Variants in SYNE2 observed in about 807,000 individuals in gnomAD.
SYNE2 encodes the protein spectrin repeat containing nuclear envelope protein 2.
A neutral mutation model predicts 856.3 loss-of-function variants in SYNE2; 431 were observed. That is an observed-to-expected ratio of 0.50 (90% CI 0.47 to 0.55). The LOEUF is 0.55. Ranked by LOEUF, SYNE2 falls within the 20% of genes least tolerant of loss-of-function variation. The pLI is 0.00. For synonymous variants in SYNE2, 2,923 were observed against 2,872.3 expected (o/e 1.02, Z -0.56); for missense variants, 8,129 against 8,023.2 (o/e 1.01, Z -0.50).
Position 64,026,559 on chromosome 14 carries a change from A to G in SYNE2, c.6253-20A>G. 1.3e-6 allele frequency: 2 copies of G among 1,599,408 alleles called. No individual in the cohort carries two copies. The highest frequency in any genetic ancestry group is 1.7e-6 in the Non-Finnish European group (2 of 1,168,646). On this transcript the variant is annotated intron_variant, in intron 41 of 115. Coordinates refer to ENST00000555002, the MANE Select transcript of SYNE2 (RefSeq NM_182914.3). ...TAAGTAATGCAAATGACATTATAAAATCTCTTTTATTTAATTCAGGAAATC... is the reference window on the plus strand; with the variant it reads ...TAAGTAATGCAAATGACATTATAAAGTCTCTTTTATTTAATTCAGGAAATC...
At chr14:64,175,239 TCA>T in intron 95 of SYNE2, 101 bp downstream of exon 95, 1 of 1,345,870 alleles carries the variant, frequency 7.4e-7, no homozygotes. Flanking sequence ...AACTATAGTA[TCA>T]TGAGTTTCCA....
intron 1 of SYNE2, among the ~76,000 whole-genome samples, chr14:63,780,299 C>T (rs955891089): frequency 1.2e-4 from 18 of 151,980 alleles, no homozygotes; most frequent in African/African-American, 4.1e-4. Flanking sequence ...TTTGGGAGGC[C>T]GAGGCGGGCA....
chr14:63,776,260 G>A (rs1228655971), intron 1 of SYNE2, among the ~76,000 whole-genome samples: 1 of 152,140 alleles, frequency 6.6e-6, no homozygotes, highest in Non-Finnish European at 1.5e-5. Flanking sequence ...ATTCTAGAAG[G>A]TTCACACAAT....
chr14:63,881,072 A>G (rs1305742854), intron 1 of SYNE2, among the ~76,000 whole-genome samples: 1 of 151,376 alleles, frequency 6.6e-6, no homozygotes, highest in Non-Finnish European at 1.5e-5. Flanking sequence ...CTGGTCTCGA[A>G]CCCCTGACCT....
At position 64,141,501 on chromosome 14, in the gene SYNE2, A is replaced by G. The variant is rs1269688201; in HGVS notation, c.15137A>G (p.Asp5046Gly). ...ACAATGCTCATAACTCAACTTCCAG[A>G]TATTCAAGAAAAACTTCACCAGGTA... is the stretch of plus-strand genomic sequence containing the variant. ...KWTMLITQLP[D>G]IQEKLHQLQM... Residue 5046 changes from aspartate (D) to glycine (G), a missense_variant, in exon 81 of 116, where the codon GAT becomes GGT. Transcript: ENST00000555002. 6.2e-7 allele frequency: 1 copy of G among 1,614,056 alleles called. No individual in the cohort carries two copies. The highest frequency in any genetic ancestry group is 8.5e-7 in the Non-Finnish European group (1 of 1,179,960).
intron 109 of SYNE2, 76 bp from the exon 110 acceptor site, chr14:64,219,132 C>A: frequency 3.0e-6 from 3 of 1,014,408 alleles, no homozygotes; most frequent in Non-Finnish European, 2.9e-6. Flanking sequence ...TTTAACCACC[C>A]TGACCCCTAA....
chr14:64,068,861 C>CAAAAAAAAAAAAAAAA (rs10546690), intron 51 of SYNE2, among the ~76,000 whole-genome samples: 13 of 76,630 alleles, frequency 1.7e-4, no homozygotes, highest in African/African-American at 5.8e-4. Flanking sequence ...GACTCCGTCT[C>CAAAAAAAAAAAAAAAA]AAAAAAAAAA....
chr14:64,052,828 A>G lies in SYNE2; in HGVS notation c.8915A>G (p.Glu2972Gly), dbSNP rs764683101. The change falls in exon 48 of 116, where the codon GAA becomes GGA. Residue 2972 changes from glutamate to glycine, a missense_variant. Transcript: ENST00000555002. ...IQRNELLLNQEVNKGVKEEIY... is the reference protein window; with the variant it reads ...IQRNELLLNQGVNKGVKEEIY... ...CGCAATGAACTATTACTTAATCAAG[A>G]AGTAAATAAAGGTGTTAAAGAGGAG... The G allele has an allele frequency of 1.2e-6, 2 of 1,612,840 alleles. No individual in the cohort carries two copies. Among genetic ancestry groups the G allele is most frequent in the South Asian group, 2.2e-5 (2 of 90,382 alleles).
chr14:64,190,716 C>T (rs2098514229), intron 99 of SYNE2: 1 of 671,276 alleles, frequency 1.5e-6, no homozygotes, highest in Non-Finnish European at 2.7e-6. Flanking sequence ...TGTGTGGGCT[C>T]AGAGTGCCAG....
chr14:63,843,009 G>A (rs371482123), intron 1 of SYNE2, among the ~76,000 whole-genome samples: 1 of 151,916 alleles, frequency 6.6e-6, no homozygotes, highest in Non-Finnish European at 1.5e-5. Flanking sequence ...TATGTATGAA[G>A]GGTATTGTTT....
intron 32 of SYNE2, among the ~76,000 whole-genome samples, chr14:64,013,571 C>G (rs932160028): frequency 1.3e-5 from 2 of 152,080 alleles, no homozygotes; most frequent in Admixed American, 1.3e-4. Context: ...ATAAGTGAGA[C>G]CATGCGGCAT....
chr14:63,841,186 G>C (rs913731532), intron 1 of SYNE2, among the ~76,000 whole-genome samples: 2 of 152,104 alleles, frequency 1.3e-5, no homozygotes, highest in African/African-American at 2.4e-5. Flanking sequence ...TGAAACCTCT[G>C]GGGGGCGCCA....
intron 6 of SYNE2, among the ~76,000 whole-genome samples, chr14:63,943,127 C>A (rs1271741287): frequency 6.6e-6 from 1 of 152,182 alleles, no homozygotes; most frequent in Non-Finnish European, 1.5e-5. Flanking sequence ...AAAGCCTCCC[C>A]ATTTTGGGGG....
intron 64 of SYNE2, 128 bp from the exon 65 acceptor site, chr14:64,107,363 G>T (rs564046823): frequency 4.0e-5 from 33 of 818,542 alleles, no homozygotes; most frequent in Admixed American, 3.8e-4. Flanking sequence ...TTTTCTAATC[G>T]TATCTGACTT....
rs766099659 is a variant in SYNE2, at chr14:64,053,501, G to A, written c.9588G>A (p.Gln3196=). The change falls in exon 48 of 116, where the codon CAG becomes CAA. Residue 3196 remains glutamine, a synonymous_variant. Coordinates refer to ENST00000555002, the MANE Select transcript of SYNE2 (RefSeq NM_182914.3). ...QNEKDNCEAF[Q]EQVWAEMCSI... ...AAAAGGACAATTGTGAAGCATTTCA[G>A]GAGCAAGTTTGGGCAGAAATGTGTA... 2 of 1,614,078 alleles carry A rather than the reference G, an allele frequency of 1.2e-6. No individual in the cohort carries two copies. The highest frequency in any genetic ancestry group is 2.7e-5 in the African/African-American group (2 of 74,936).
At chr14:63,994,819 G>A (rs2096699925) in intron 22 of SYNE2, among the ~76,000 whole-genome samples, 1 of 151,810 alleles carries the variant, frequency 6.6e-6, no homozygotes, top group Non-Finnish European at 1.5e-5. Context: ...TCTTAACAGT[G>A]CCTTTCACAG....
At chr14:64,186,955 G>C (rs979472937) in intron 97 of SYNE2, among the ~76,000 whole-genome samples, 2 of 152,204 alleles carry the variant, frequency 1.3e-5, no homozygotes, top group Non-Finnish European at 2.9e-5. Context: ...TCTCTTCTGG[G>C]CCTAACAGCA....
rs75665958 is a variant in SYNE2, at chr14:64,093,415, T to C, written c.12043T>C (p.Tyr4015His). The C allele has an allele frequency of 2.6e-3, 4,231 of 1,614,088 alleles. 88 individuals carry two copies. In the East Asian group the frequency reaches 0.035, roughly 13 times the overall value. Residue 4015 changes from tyrosine (Y) to histidine (H), a missense_variant, in exon 61 of 116, where the codon TAT (tyrosine) becomes CAT (histidine). Physicochemically the swap from Tyr to His is moderately conservative, Grantham distance 83. This residue lies in a region of SYNE2 where 5,410 missense variants were observed against 5,284.8 expected (regional missense o/e 1.02). Transcript: ENST00000555002. ...AAATTTGAAACAGATCTTAAATAATTATTCAGCTCAGTTCTCCCTTGAACA... is the reference window on the plus strand; with the variant it reads ...AAATTTGAAACAGATCTTAAATAATCATTCAGCTCAGTTCTCCCTTGAACA... ...IENLKQILNNYSAQFSLEHMS... is the reference protein window; with the variant it reads ...IENLKQILNNHSAQFSLEHMS...
intron 49 of SYNE2, among the ~76,000 whole-genome samples, chr14:64,057,929 T>C (rs1250406940): frequency 6.6e-6 from 1 of 152,268 alleles, no homozygotes; most frequent in Non-Finnish European, 1.5e-5. Flanking sequence ...TTGAGAAATG[T>C]CTATTCAGAT....
Sources: allele counts gnomAD v4.1 joint callset (sites outside exome capture counted in the v4.1 genomes callset), GRCh38; gene constraint gnomAD v4.1.1; regional missense constraint gnomAD v4.1.1; transcripts MANE v1.5; gene names NCBI Gene and HGNC (gene_info 2026-07-23, HGNC 2026-07-21).